SH3PXD2A: variants seen among roughly 807,000 people sequenced by gnomAD.
The protein encoded by SH3PXD2A is SH3 and PX domain-containing protein 2A.
In SH3PXD2A, 32 loss-of-function variants were observed where a neutral mutation model predicts 115.2. That is an observed-to-expected ratio of 0.28 (90% confidence interval 0.21 to 0.37). The LOEUF (loss-of-function observed/expected upper bound fraction) is 0.37. Ranked by LOEUF, SH3PXD2A falls within the 10% of genes least tolerant of loss-of-function variation. The probability of loss-of-function intolerance (pLI) is 1.00; values close to 1 mark genes in which losing one functional copy is unlikely to be tolerated. For synonymous variants in SH3PXD2A, 610 were observed against 629.1 expected, an observed-to-expected ratio of 0.97 and a Z score of 0.45; for missense variants, 1,328 against 1,498.7, an observed-to-expected ratio of 0.89 and a Z score of 1.88.
chr10:103,710,150 TG>T (rs1244010775), intron 5 of SH3PXD2A, among the ~76,000 whole-genome samples: 5 of 151,030 alleles, frequency 3.3e-5, no homozygotes, highest in Non-Finnish European at 4.4e-5. Flanking sequence ...CCCAGCACTT[TG>T]GGAGGCCAAG....
intron 8 of SH3PXD2A, among the ~76,000 whole-genome samples, chr10:103,631,542 C>T (rs7918134): frequency 0.25 from 37,308 of 151,954 alleles, 5,541 homozygotes; most frequent in African/African-American, 0.41. Context: ...CTTGCTGATG[C>T]CACCCCTAAC....
At position 103,602,241 on chromosome 10, in the gene SH3PXD2A, GGTT is replaced by G. The variant is rs761786000; in HGVS notation, c.2974_2976del (p.Asn992del). The G allele has an allele frequency of 3.1e-6, 5 of 1,609,754 alleles. No individual in the cohort carries two copies. The highest frequency in any genetic ancestry group is 4.5e-5 in the East Asian group (2 of 44,862). On this transcript the variant is annotated inframe_deletion, in exon 15 of 15. Coordinates refer to ENST00000369774, the MANE Select transcript of SH3PXD2A (RefSeq NM_001394015.1). ...TCATTCCTCCGCAGGGCGCAGGACA[GGTT>G]GTTGTCCTTGGGTGGCGGGGACACA...
At chr10:103,799,054 A>G (rs1202591969) in intron 2 of SH3PXD2A, among the ~76,000 whole-genome samples, 2 of 152,212 alleles carry the variant, frequency 1.3e-5, no homozygotes, top group African/African-American at 4.8e-5. Context: ...TTCACACTAC[A>G]GATGAGAAAA....
At chr10:103,638,362 C>G (rs992919138) in intron 8 of SH3PXD2A, among the ~76,000 whole-genome samples, 35 of 152,236 alleles carry the variant, frequency 2.3e-4, no homozygotes, top group African/African-American at 8.2e-4. Flanking sequence ...CTCCAGCCTG[C>G]CCACCTCACC....
At chr10:103,810,950 G>GCACACACACACACACA (rs1286107994) in intron 1 of SH3PXD2A, among the ~76,000 whole-genome samples, 40 of 4,822 alleles carry the variant, frequency 8.3e-3, no homozygotes, top group African/African-American at 0.018. Flanking sequence ...AGGCGCGCGC[G>GCACACACACACACACA]CGCACACACA....
chr10:103,605,183 G>A (rs1473772719), intron 14 of SH3PXD2A, among the ~76,000 whole-genome samples: 1 of 152,200 alleles, frequency 6.6e-6, no homozygotes. Context: ...AGTTGGGGGT[G>A]GCGGGTGAGA....
intron 2 of SH3PXD2A, among the ~76,000 whole-genome samples, chr10:103,796,014 A>G (rs1303106899): frequency 6.6e-6 from 1 of 151,962 alleles, no homozygotes; most frequent in Non-Finnish European, 1.5e-5. Flanking sequence ...AATCCCCCCA[A>G]ACTAGAGTGT....
intron 1 of SH3PXD2A, among the ~76,000 whole-genome samples, chr10:103,804,818 C>A (rs1334045577): frequency 6.6e-6 from 1 of 152,074 alleles, no homozygotes; most frequent in Non-Finnish European, 1.5e-5. Flanking sequence ...ACGGTGAGGA[C>A]CCCCTCAAAC....
chr10:103,805,643 C>T (rs937598280), intron 1 of SH3PXD2A, among the ~76,000 whole-genome samples: 1 of 152,240 alleles, frequency 6.6e-6, no homozygotes, highest in Non-Finnish European at 1.5e-5. Flanking sequence ...GTAATCCCAG[C>T]ACTTTGGGAG....
intron 5 of SH3PXD2A, among the ~76,000 whole-genome samples, chr10:103,710,081 C>A (rs539952578): frequency 4.8e-5 from 7 of 145,152 alleles, no homozygotes; most frequent in Admixed American, 2.8e-4. Flanking sequence ...GGTGACAGAG[C>A]AAGACTCCAT....
At chr10:103,658,558 C>T (rs1305727845) in intron 8 of SH3PXD2A, among the ~76,000 whole-genome samples, 1 of 152,204 alleles carries the variant, frequency 6.6e-6, no homozygotes, top group Admixed American at 6.5e-5. Flanking sequence ...CCTTTCTCCC[C>T]TCCACCCACT....
Position 103,694,026 on chromosome 10 carries a change from A to T in SH3PXD2A, c.399-970T>A, listed in dbSNP as rs116807853. Among the ~76,000 whole-genome samples the T allele has an allele frequency of 5.2e-3, 785 of 150,922 alleles. 6 individuals are homozygous for T. The highest frequency in any genetic ancestry group is 0.018 in the African/African-American group (728 of 41,030). ...CCTTCCTTATCTCCCCACTCCTCCC[A>T]CCCCCCTCCATTCACCAATCCTCAG... is the stretch of plus-strand genomic sequence containing the variant. On this transcript the variant is annotated intron_variant, in intron 5 of 14. Transcript: ENST00000369774.
intron 2 of SH3PXD2A, among the ~76,000 whole-genome samples, chr10:103,771,929 C>T (rs2038827050): frequency 6.6e-6 from 1 of 152,202 alleles, no homozygotes; most frequent in Non-Finnish European, 1.5e-5. Context: ...CCTAATCCCA[C>T]CACCAGGATA....
In SH3PXD2A at chr10:103,773,748, C is replaced by G. The variant is rs141007100; in HGVS notation, c.154-6579G>C. ...GAGCTACTGTGCCCAGCCTTCTTTT[C>G]TTTCTTTGAGACAGGGTCGAGCTTT... On this transcript the variant is annotated intron_variant, in intron 2 of 14. Coordinates refer to ENST00000369774, the MANE Select transcript of SH3PXD2A (RefSeq NM_001394015.1). 2.6e-5 allele frequency among the ~76,000 whole-genome samples: 4 copies of G among 152,058 alleles called. No individual in the cohort carries two copies. The East Asian group carries it at 7.8e-4, about 29-fold the overall frequency.
At chr10:103,848,059 C>A (rs1291007848) in intron 1 of SH3PXD2A, among the ~76,000 whole-genome samples, 1 of 152,134 alleles carries the variant, frequency 6.6e-6, no homozygotes, top group Non-Finnish European at 1.5e-5. Flanking sequence ...GAGGTATTGG[C>A]CCCCAGAACC....
At chr10:103,640,968 C>T (rs928463366) in intron 8 of SH3PXD2A, among the ~76,000 whole-genome samples, 3 of 152,112 alleles carry the variant, frequency 2.0e-5, no homozygotes, top group East Asian at 1.9e-4. Flanking sequence ...CACAACCCAG[C>T]AGGACGGAGT....
intron 8 of SH3PXD2A, among the ~76,000 whole-genome samples, chr10:103,655,773 A>T (rs1487035307): frequency 5.2e-5 from 4 of 77,162 alleles, no homozygotes; most frequent in African/African-American, 1.4e-4. Flanking sequence ...ACCCTGTCTA[A>T]AAAAAAAAAA....
chr10:103,744,194 C>T (rs2038475221), intron 3 of SH3PXD2A, among the ~76,000 whole-genome samples: 3 of 148,794 alleles, frequency 2.0e-5, no homozygotes, highest in African/African-American at 7.5e-5. Flanking sequence ...GCTCTTGTTG[C>T]CCAGGCTGGA....
chr10:103,797,699 C>T (rs2039105646), intron 2 of SH3PXD2A, among the ~76,000 whole-genome samples: 1 of 117,282 alleles, frequency 8.5e-6, no homozygotes, highest in Admixed American at 1.3e-4. Flanking sequence ...TGTTCTGCTT[C>T]AGATCTTAGA....
Sources: gnomAD v4.1 joint callset for allele counts (sites outside exome capture counted in the v4.1 genomes callset) on GRCh38, gnomAD v4.1.1 for gene constraint, MANE v1.5 for transcripts, NCBI Gene and HGNC (gene_info 2026-07-23, HGNC 2026-07-21) for gene names.